Variants in DMD observed in about 807,000 individuals in gnomAD.
DMD encodes dystrophin.
A neutral mutation model predicts 330.1 loss-of-function variants in DMD; 63 were observed. The observed-to-expected ratio is 0.19, with a 90% confidence interval of 0.16 to 0.24. The LOEUF (loss-of-function observed/expected upper bound fraction) is 0.24. Ranked by LOEUF, DMD falls within the 10% of genes least tolerant of loss-of-function variation. DMD has a pLI of 1.00. For synonymous variants in DMD, 1,223 were observed against 959.8 expected, an observed-to-expected ratio of 1.27 and a Z score of -5.07; for missense variants, 3,344 against 2,684.1, an observed-to-expected ratio of 1.25 and a Z score of -5.43.
At chrX:33,121,759 C>T (rs1002178221) in intron 1 of DMD, among the ~76,000 whole-genome samples, 5 of 111,921 alleles carry the variant, frequency 4.5e-5, no homozygotes, top group Admixed American at 3.8e-4. Flanking sequence ...AGAAATTGTG[C>T]TTCTAGGAAT....
At chrX:33,240,437 C>G (rs952719796) in intron 1 of DMD, among the ~76,000 whole-genome samples, 3 of 111,424 alleles carry the variant, frequency 2.7e-5, no homozygotes, top group African/African-American at 9.8e-5. Context: ...GTACGTATAC[C>G]ACATTTTTTC....
At chrX:31,524,662 G>A (rs763920181) in intron 55 of DMD, among the ~76,000 whole-genome samples, 7 of 112,018 alleles carry the variant, frequency 6.2e-5, no homozygotes, top group Admixed American at 2.8e-4. Flanking sequence ...ATGAACATGC[G>A]TTAGACTTCT....
chrX:33,073,586 T>A (rs975801637), intron 1 of DMD, among the ~76,000 whole-genome samples: 2 of 111,131 alleles, frequency 1.8e-5, no homozygotes, highest in African/African-American at 6.5e-5. Context: ...ATCCCAGCAC[T>A]TTGGGAGGCT....
chrX:33,239,441 A>G (rs770539123), intron 1 of DMD, among the ~76,000 whole-genome samples: 2 of 77,843 alleles, frequency 2.6e-5, no homozygotes, highest in Non-Finnish European at 6.0e-5. Context: ...GGACCAATCT[A>G]AACATTTCCT....
intron 2 of DMD, among the ~76,000 whole-genome samples, chrX:32,904,700 A>C (rs1206728949): frequency 2.7e-5 from 3 of 111,720 alleles, no homozygotes; most frequent in Admixed American, 9.5e-5. Context: ...CAGCCTCCCA[A>C]GTAGCTGGGA....
rs912493313 is a variant in DMD, at chrX:32,357,427, G to A, written c.5325+5361C>T. Among the ~76,000 whole-genome samples the A allele has an allele frequency of 1.7e-4, 19 of 111,269 alleles. 1 individual carries two copies. The highest frequency in any genetic ancestry group is 6.2e-4 in the African/African-American group (19 of 30,529). On this transcript the variant is annotated intron_variant, in intron 37 of 78. Transcript: ENST00000357033. ...CCACTCCAGACCTAGTGAGTCAGAA[G>A]CTCTGAGTGTGGGGCCCAGCACACT...
chrX:31,900,081 C>T (rs1419349486), intron 47 of DMD, among the ~76,000 whole-genome samples: 2 of 111,889 alleles, frequency 1.8e-5, no homozygotes, highest in Non-Finnish European at 3.8e-5. Flanking sequence ...TGCATTATGA[C>T]TTATGTGCCT....
chrX:33,148,983 G>A (rs1363059365), intron 1 of DMD, among the ~76,000 whole-genome samples: 1 of 110,749 alleles, frequency 9.0e-6, no homozygotes, highest in Non-Finnish European at 1.9e-5. Context: ...GTGGTCCCCA[G>A]CCTTTTTGGC....
chrX:31,169,685 T>C (rs1395792915), intron 73 of DMD, 84 bp from the exon 74 acceptor site: 64 of 895,451 alleles, frequency 7.1e-5, no homozygotes, highest in South Asian at 4.3e-5. Flanking sequence ...TATTTGAAAA[T>C]AGAAACATTT....
chrX:32,613,948 C>G (rs769115465), intron 12 of DMD, among the ~76,000 whole-genome samples: 2 of 110,366 alleles, frequency 1.8e-5, no homozygotes, highest in African/African-American at 6.6e-5. Flanking sequence ...TGGTGAGGGC[C>G]TTTTCACAGA....
intron 11 of DMD, among the ~76,000 whole-genome samples, chrX:32,621,412 G>A (rs949307797): frequency 1.8e-5 from 2 of 110,708 alleles, no homozygotes; most frequent in Non-Finnish European, 3.8e-5. Context: ...ATGTTCTATC[G>A]TGGTTTCATT....
chrX:31,762,596 A>C (rs2089689904), intron 51 of DMD, among the ~76,000 whole-genome samples: 1 of 111,132 alleles, frequency 9.0e-6, no homozygotes, highest in Non-Finnish European at 1.9e-5. Context: ...CAACAAAACA[A>C]AACAAAAAGA....
chrX:32,585,335 G>A (rs1016656484), intron 13 of DMD, among the ~76,000 whole-genome samples: 1 of 112,049 alleles, frequency 8.9e-6, no homozygotes, highest in Non-Finnish European at 1.9e-5. Flanking sequence ...CTATAAGTAT[G>A]TACAAATATT....
intron 19 of DMD, among the ~76,000 whole-genome samples, chrX:32,494,832 G>T (rs893153321): frequency 1.8e-5 from 2 of 110,550 alleles, no homozygotes. Flanking sequence ...GACTAATATG[G>T]GATATAGAAG....
At chrX:33,086,515 T>C (rs1284541874) in intron 1 of DMD, among the ~76,000 whole-genome samples, 3 of 111,111 alleles carry the variant, frequency 2.7e-5, no homozygotes, top group Non-Finnish European at 3.8e-5. Flanking sequence ...CTCATAGTTA[T>C]ATAATGGGGT....
At position 31,324,432 on chromosome X, in the gene DMD, C is replaced by T. The variant is rs189765209; in HGVS notation, c.9164-774G>A. On this transcript the variant is annotated intron_variant, in intron 61 of 78. Coordinates refer to ENST00000357033, the MANE Select transcript of DMD (RefSeq NM_004006.3). ...CAGGCTTAAGTTGTAGGATTTCTTC[C>T]CTAAAGCTGAACCTCTACAAATATA... Among the ~76,000 whole-genome samples, 15 of 108,443 alleles carry T rather than the reference C, an allele frequency of 1.4e-4. No individual in the cohort carries two copies. The East Asian group carries it at 3.7e-3, about 27-fold the overall frequency. 94.2% of individuals were successfully genotyped at this position (108,443 alleles called of 115,157 possible). A position where few individuals can be genotyped will look rare whatever the true frequency, so the allele number is the denominator to read the frequency against.
chrX:32,469,228 G>T (rs2040367182), intron 22 of DMD, among the ~76,000 whole-genome samples: 1 of 110,033 alleles, frequency 9.1e-6, no homozygotes, highest in Non-Finnish European at 1.9e-5. Flanking sequence ...TAGTTTTGTG[G>T]AGAATTTATA....
intron 17 of DMD, among the ~76,000 whole-genome samples, chrX:32,534,393 A>G (rs140718824): frequency 1.7e-3 from 187 of 110,965 alleles, no homozygotes; most frequent in African/African-American, 5.8e-3. Context: ...AGTTCTCCTG[A>G]GAGAACTCAC....
chrX:32,123,431 A>T (rs1361443351), intron 44 of DMD, among the ~76,000 whole-genome samples: 5 of 106,420 alleles, frequency 4.7e-5, no homozygotes, highest in Non-Finnish European at 7.7e-5. Flanking sequence ...GGGCATTTCT[A>T]ACCATCCCCG....
Sources: allele counts gnomAD v4.1 joint callset (sites outside exome capture counted in the v4.1 genomes callset), GRCh38; gene constraint gnomAD v4.1.1; transcripts MANE v1.5; gene names NCBI Gene and HGNC (gene_info 2026-07-23, HGNC 2026-07-21).